Variants in CDH12 observed in about 807,000 individuals in gnomAD.
CDH12 encodes the protein cadherin-12.
In CDH12, 41 loss-of-function variants were observed where a neutral mutation model predicts 74.1. The observed-to-expected ratio is 0.55, with a 90% CI of 0.43 to 0.72. The LOEUF is 0.72. Ranked by LOEUF, CDH12 falls within the 30% of genes least tolerant of loss-of-function variation. The pLI is 0.00. For missense variants in CDH12, 945 were observed against 977.2 expected (o/e 0.97, Z 0.44); for synonymous variants, 399 against 355.0 (o/e 1.12, Z -1.39).
rs1357117072 is a variant in CDH12 at position 22,470,180 on chromosome 5, C to T, written c.-428+35090G>A. 4.6e-5 allele frequency among the ~76,000 whole-genome samples: 7 copies of T among 152,020 alleles called. No individual in the cohort carries two copies. In the East Asian group the frequency reaches 1.4e-3, roughly 30 times the overall value. ...CCCTGACATGGTATGGCATAGGAAT[C>T]TTGAGGGTAAAAGGATTCTTACTTT... On this transcript the variant is annotated intron_variant, in intron 2 of 14. Transcript: ENST00000382254.
chr5:21,806,557 G>A (rs977259017), intron 9 of CDH12, among the ~76,000 whole-genome samples: 3 of 152,152 alleles, frequency 2.0e-5, no homozygotes, highest in African/African-American at 7.2e-5. Flanking sequence ...CCTTGAGATG[G>A]TGATTAGATT....
chr5:22,735,879 T>A (rs944236472), intron 1 of CDH12, among the ~76,000 whole-genome samples: 1 of 151,868 alleles, frequency 6.6e-6, no homozygotes, highest in Non-Finnish European at 1.5e-5. Flanking sequence ...TCTGGAGAAG[T>A]GTCTATACGA....
At chr5:22,147,946 A>G (rs1747315031) in intron 4 of CDH12, among the ~76,000 whole-genome samples, 1 of 152,194 alleles carries the variant, frequency 6.6e-6, no homozygotes. Context: ...ACATCTGTGC[A>G]CAACCTCAGA....
intron 3 of CDH12, among the ~76,000 whole-genome samples, chr5:22,271,962 G>A (rs755262760): frequency 6.6e-6 from 1 of 152,104 alleles, no homozygotes; most frequent in Non-Finnish European, 1.5e-5. Flanking sequence ...GTAAATGAGT[G>A]TTGGTTTCAA....
At chr5:22,705,242 G>A (rs774599832) in intron 1 of CDH12, among the ~76,000 whole-genome samples, 8 of 150,762 alleles carry the variant, frequency 5.3e-5, no homozygotes, top group Non-Finnish European at 1.2e-4. Context: ...ATAGAAGGAG[G>A]AATTGAGATG....
chr5:21,802,614 CAG>C (rs1049277297), intron 9 of CDH12, among the ~76,000 whole-genome samples, 194 bp from the exon 10 acceptor site: 10 of 46,786 alleles, frequency 2.1e-4, no homozygotes, highest in Non-Finnish European at 3.6e-4. Context: ...TTTTTTGAGA[CAG>C]AGTCTCTCCC....
chr5:22,576,770 T>C (rs1739809407), intron 1 of CDH12, among the ~76,000 whole-genome samples: 1 of 150,798 alleles, frequency 6.6e-6, no homozygotes, highest in South Asian at 2.1e-4. Flanking sequence ...AATTGATAAC[T>C]GAGAGAGAGA....
chr5:21,831,834 G>T (rs535154127), intron 8 of CDH12, among the ~76,000 whole-genome samples: 1 of 152,074 alleles, frequency 6.6e-6, no homozygotes, highest in African/African-American at 2.4e-5. Context: ...GAACTTACAG[G>T]TTTTATTCTG....
At chr5:22,512,194 G>T (rs553546917) in intron 1 of CDH12, among the ~76,000 whole-genome samples, 12 of 152,210 alleles carry the variant, frequency 7.9e-5, no homozygotes, top group East Asian at 1.9e-4. Context: ...CAACACGAGG[G>T]CAACAAAAGA....
chr5:21,903,817 T>G (rs1200825162), intron 6 of CDH12, among the ~76,000 whole-genome samples: 3 of 151,676 alleles, frequency 2.0e-5, no homozygotes, highest in Non-Finnish European at 4.4e-5. Flanking sequence ...AGAACACAAA[T>G]AGATGGAAAG....
intron 1 of CDH12, among the ~76,000 whole-genome samples, chr5:22,530,054 T>A (rs1424616158): frequency 6.6e-6 from 1 of 152,212 alleles, no homozygotes; most frequent in Non-Finnish European, 1.5e-5. Flanking sequence ...ATTTAAATTT[T>A]AAATTTTTTC....
chr5:22,781,635 C>CT (rs1403906064), intron 1 of CDH12, among the ~76,000 whole-genome samples: 1 of 152,156 alleles, frequency 6.6e-6, no homozygotes, highest in Admixed American at 6.6e-5. Flanking sequence ...AAGTAAGTGA[C>CT]TGCAATTGCC....
intron 6 of CDH12, among the ~76,000 whole-genome samples, chr5:21,973,761 A>C (rs577275732): frequency 6.6e-6 from 1 of 152,058 alleles, no homozygotes; most frequent in African/African-American, 2.4e-5. Context: ...TATTAACTTT[A>C]TTTTTCTCCC....
At chr5:22,050,223 C>T (rs963160640) in intron 5 of CDH12, among the ~76,000 whole-genome samples, 23 of 152,130 alleles carry the variant, frequency 1.5e-4, no homozygotes, top group Middle Eastern at 3.4e-3. Context: ...CTACATAAAG[C>T]GTCCCTGATT....
intron 3 of CDH12, among the ~76,000 whole-genome samples, chr5:22,345,414 T>C (rs1363232295): frequency 6.6e-6 from 1 of 152,202 alleles, no homozygotes; most frequent in Non-Finnish European, 1.5e-5. Flanking sequence ...TGCATTGTTC[T>C]AAACTAAATA....
chr5:22,268,761 G>A (rs1028887295), intron 3 of CDH12, among the ~76,000 whole-genome samples: 3 of 152,008 alleles, frequency 2.0e-5, no homozygotes, highest in Non-Finnish European at 4.4e-5. Flanking sequence ...GGTAAAATTA[G>A]CTAGGTTTTT....
intron 1 of CDH12, among the ~76,000 whole-genome samples, chr5:22,730,005 C>T (rs1036616898): frequency 6.6e-6 from 1 of 151,786 alleles, no homozygotes; most frequent in African/African-American, 2.4e-5. Flanking sequence ...TATTATTAAT[C>T]AGACTTTAGT....
At chr5:22,817,916 C>T (rs528558884) in intron 1 of CDH12, among the ~76,000 whole-genome samples, 8 of 152,016 alleles carry the variant, frequency 5.3e-5, no homozygotes, top group East Asian at 3.9e-4. Flanking sequence ...TTAGGCATGC[C>T]GTTAGTTATA....
At chr5:22,418,815 C>T (rs980886965) in intron 2 of CDH12, among the ~76,000 whole-genome samples, 5 of 151,888 alleles carry the variant, frequency 3.3e-5, no homozygotes, top group South Asian at 2.1e-4. Context: ...ACCTGGGAGG[C>T]GGAGGTTGCA....
Sources: allele counts gnomAD v4.1 joint callset (sites outside exome capture counted in the v4.1 genomes callset), GRCh38; gene constraint gnomAD v4.1.1; transcripts MANE v1.5; gene names NCBI Gene and HGNC (gene_info 2026-07-23, HGNC 2026-07-21).